The following SUMF1 variants were observed in gnomAD, a reference collection of about 807,000 sequenced individuals.
SUMF1 encodes the protein formylglycine-generating enzyme.
A neutral mutation model predicts 47.6 loss-of-function variants in SUMF1; 48 were observed. The observed-to-expected ratio is 1.01, with a 90% CI of 0.80 to 1.28. SUMF1 has a LOEUF of 1.28. Among genes scored for constraint, SUMF1 ranks in the 50% most tolerant of loss-of-function variants. The probability of loss-of-function intolerance (pLI) is 0.00; values close to 1 mark genes in which losing one functional copy is unlikely to be tolerated. For missense variants in SUMF1, 571 were observed against 485.4 expected (o/e 1.18, Z -1.66); for synonymous variants, 230 against 192.1 (o/e 1.20, Z -1.63).
At chr3:4,117,064 A>T (rs1169603898) in intron 8 of SUMF1, among the ~76,000 whole-genome samples, 1 of 152,164 alleles carries the variant, frequency 6.6e-6, no homozygotes, top group African/African-American at 2.4e-5. Flanking sequence ...CTGACACAAG[A>T]TATTCATAAT....
At chr3:4,041,982 T>C (rs1694915207) in intron 9 of SUMF1, among the ~76,000 whole-genome samples, 1 of 152,140 alleles carries the variant, frequency 6.6e-6, no homozygotes, top group Admixed American at 6.5e-5. Context: ...ATGATAATAG[T>C]CCCTCAAAAT....
chr3:4,218,299 T>C (rs140124599), intron 8 of SUMF1, among the ~76,000 whole-genome samples: 1 of 152,052 alleles, frequency 6.6e-6, no homozygotes, highest in East Asian at 1.9e-4. Context: ...ATAATAATAA[T>C]ATGTAATAAA....
Position 4,361,883 on chromosome 3 carries a change from C to G in SUMF1, c.*261G>C, listed in dbSNP as rs1227114384. ...GCCTCCTGAAGCCTAGCTCAGGGTT[C>G]CCTCCACTCCCCTTCCTCTTTAAAG... On this transcript the variant is annotated 3_prime_UTR_variant, in exon 9 of 9. Transcript: ENST00000272902. 4 of 455,964 alleles carry G rather than the reference C, an allele frequency of 8.8e-6. No individual in the cohort carries two copies. In the Admixed American group the frequency reaches 1.4e-4, roughly 16 times the overall value. The allele number at this position is 455,964 out of a possible 1,614,324, so 28.2% of individuals were successfully genotyped here. A position where few individuals can be genotyped will look rare whatever the true frequency, so the allele number is the denominator to read the frequency against.
intron 7 of SUMF1, among the ~76,000 whole-genome samples, chr3:4,383,940 T>C (rs980152965): frequency 1.4e-5 from 2 of 143,692 alleles, no homozygotes; most frequent in Non-Finnish European, 1.6e-5. Context: ...ACAAACAAAA[T>C]GCATAGTATT....
At position 4,467,204 on chromosome 3, in the gene SUMF1, A is replaced by C. The variant is rs756118132; in HGVS notation, c.42T>G (p.Pro14=). The change falls in exon 1 of 9, where the codon CCT becomes CCG. Residue 14 remains proline (P), a synonymous_variant. Coordinates refer to ENST00000272902, the MANE Select transcript of SUMF1 (RefSeq NM_182760.4). ...GCAGCAAGAGGACGAGACCCAGCTC[A>C]GGGCAACGTCCACACACCAGCCCTA... ...PALGLVCGRC[P]ELGLVLLLLL... 1 of 1,611,640 alleles carries C rather than the reference A, an allele frequency of 6.2e-7. No homozygotes were observed. The highest frequency in any genetic ancestry group is 2.2e-5 in the East Asian group (1 of 44,790).
rs192083256 is a variant in SUMF1, at chr3:4,036,181, T to C, written c.1191+32388A>G. On this transcript the variant is annotated intron_variant and NMD_transcript_variant, in intron 9 of 12. Transcript: ENST00000448413. ...TTATCCCAGTGCCTATCTTAGCACA[T>C]AGTAATTGAGCTACTCAGTGATTAT... 5.3e-5 allele frequency among the ~76,000 whole-genome samples: 8 copies of C among 152,302 alleles called. No homozygotes were observed. In the South Asian group the frequency reaches 6.2e-4, roughly 12 times the overall value.
chr3:4,078,628 C>A (rs1450996489), intron 8 of SUMF1, among the ~76,000 whole-genome samples: 5 of 151,914 alleles, frequency 3.3e-5, no homozygotes, highest in Non-Finnish European at 7.4e-5. Flanking sequence ...TGTGGTAGCT[C>A]CCACCTATAA....
intron 8 of SUMF1, among the ~76,000 whole-genome samples, chr3:4,113,352 C>T (rs1430968088): frequency 6.6e-6 from 1 of 152,028 alleles, no homozygotes; most frequent in African/African-American, 2.4e-5. Flanking sequence ...TATAGCAAGA[C>T]CTTGTCTCTA....
chr3:4,195,084 G>A (rs1345627263), intron 8 of SUMF1, among the ~76,000 whole-genome samples: 1 of 152,084 alleles, frequency 6.6e-6, no homozygotes, highest in Non-Finnish European at 1.5e-5. Context: ...TTTTACTCAA[G>A]TGCTTATCTG....
chr3:4,457,656 A>C (rs1230549781), intron 1 of SUMF1, among the ~76,000 whole-genome samples: 1 of 152,234 alleles, frequency 6.6e-6, no homozygotes, highest in East Asian at 1.9e-4. Flanking sequence ...ACAATCTTTC[A>C]ATAAACGGTA....
chr3:4,121,449 T>C (rs6804947), intron 8 of SUMF1, among the ~76,000 whole-genome samples: 6,335 of 152,208 alleles, frequency 0.042, 441 homozygotes, highest in African/African-American at 0.14. Flanking sequence ...AGGCTACCAA[T>C]CCTTTAAACA....
At chr3:4,180,151 C>T (rs1017889486) in intron 8 of SUMF1, among the ~76,000 whole-genome samples, 3 of 152,168 alleles carry the variant, frequency 2.0e-5, no homozygotes, top group African/African-American at 7.2e-5. Context: ...CCTCAAGGAT[C>T]TAGAACTAGA....
chr3:4,036,769 A>T (rs1387776490), intron 9 of SUMF1, among the ~76,000 whole-genome samples: 3 of 150,052 alleles, frequency 2.0e-5, no homozygotes, highest in South Asian at 2.1e-4. Context: ...TTTGCTTTAA[A>T]TTTTTTTTCT....
intron 1 of SUMF1, among the ~76,000 whole-genome samples, chr3:4,461,907 A>T (rs928418789): frequency 6.6e-6 from 1 of 152,152 alleles, no homozygotes; most frequent in Non-Finnish European, 1.5e-5. Context: ...CAAACAATCC[A>T]TATCTCCTCC....
intron 8 of SUMF1, among the ~76,000 whole-genome samples, chr3:4,156,120 A>G (rs1301510068): frequency 6.6e-6 from 1 of 151,712 alleles, no homozygotes; most frequent in Middle Eastern, 3.4e-3. Context: ...TCCCACCACC[A>G]TAAAGTAGCC....
rs1697134167 is a variant in SUMF1 at position 4,263,764 on chromosome 3, TCCTC to T, written c.1014+112562_1014+112565del. Among the ~76,000 whole-genome samples the T allele has an allele frequency of 3.9e-5, 6 of 152,338 alleles. No homozygotes were observed. In the South Asian group the frequency reaches 1.0e-3, roughly 26 times the overall value. On this transcript the variant is annotated intron_variant and NMD_transcript_variant, in intron 8 of 12. Transcript: ENST00000448413. ...AATACTGAAGGCATATTATGAATAC[TCCTC>T]TCTGACCCTTATTCCATTCTGCCTT...
At chr3:4,190,057 T>A (rs905477148) in intron 8 of SUMF1, among the ~76,000 whole-genome samples, 2 of 152,132 alleles carry the variant, frequency 1.3e-5, no homozygotes, top group African/African-American at 4.8e-5. Context: ...ACCATTGATA[T>A]CTATAAAGAC....
At chr3:4,302,591 AC>A in intron 8 of SUMF1, among the ~76,000 whole-genome samples, 1 of 151,878 alleles carries the variant, frequency 6.6e-6, no homozygotes, top group East Asian at 1.9e-4. Context: ...GGCATGTTGG[AC>A]CCCCCTTCCC....
chr3:4,344,567 C>G (rs992035835), intron 8 of SUMF1, among the ~76,000 whole-genome samples: 1 of 152,128 alleles, frequency 6.6e-6, no homozygotes, highest in South Asian at 2.1e-4. Context: ...GACAAACTCA[C>G]GAAGATGAGA....
Sources: gnomAD v4.1 joint callset for allele counts (sites outside exome capture counted in the v4.1 genomes callset) on GRCh38, gnomAD v4.1.1 for gene constraint, MANE v1.5 for transcripts, NCBI Gene and HGNC (gene_info 2026-07-23, HGNC 2026-07-21) for gene names.